The following RIPK2 variants were observed in gnomAD, a reference collection of about 807,000 sequenced individuals.
RIPK2 encodes receptor interacting serine/threonine kinase 2.
In RIPK2, 38 loss-of-function variants were observed where a neutral mutation model predicts 60.9. The ratio of observed to expected loss-of-function variants is 0.62; its 90% CI spans 0.48 to 0.82. The LOEUF is 0.82. Among genes scored for constraint, RIPK2 ranks in the 40% least tolerant of loss-of-function variants. RIPK2 has a pLI of 0.00. For missense variants in RIPK2, 518 were observed against 647.0 expected, an observed-to-expected ratio of 0.80 and a Z score of 2.16; for synonymous variants, 225 against 223.4, an observed-to-expected ratio of 1.01 and a Z score of -0.06.
intron 1 of RIPK2, among the ~76,000 whole-genome samples, chr8:89,762,609 G>A (rs1239061313): frequency 6.6e-6 from 1 of 151,988 alleles, no homozygotes; most frequent in African/African-American, 2.4e-5. Context: ...ACCTGTCAAT[G>A]GCTTATAGAA....
At chr8:89,785,969 C>A (rs888256445) in intron 8 of RIPK2, among the ~76,000 whole-genome samples, 10 of 152,124 alleles carry the variant, frequency 6.6e-5, no homozygotes, top group Non-Finnish European at 1.3e-4. Context: ...CTGTAGGAGA[C>A]CAGACTTGCA....
At chr8:89,780,515 TA>T (rs34552518) in intron 7 of RIPK2, 86,151 of 143,020 alleles carry the variant, frequency 0.6, 25,262 homozygotes, top group Middle Eastern at 0.68. Context: ...ATTTAAAACG[TA>T]AAAAAAAAAA....
At chr8:89,764,234 A>G (rs1470118256) in intron 2 of RIPK2, among the ~76,000 whole-genome samples, 1 of 152,164 alleles carries the variant, frequency 6.6e-6, no homozygotes, top group African/African-American at 2.4e-5. Context: ...TGCCAGAGAA[A>G]GTAATGTTCC....
chr8:89,765,551 CT>C, intron 3 of RIPK2, 55 bp downstream of exon 3: 1 of 1,240,434 alleles, frequency 8.1e-7, no homozygotes, highest in Non-Finnish European at 1.1e-6. Context: ...TTTAAAAATA[CT>C]TTTTAGTTAT....
chr8:89,764,081 T>G (rs1474922006), intron 2 of RIPK2, among the ~76,000 whole-genome samples: 2 of 152,110 alleles, frequency 1.3e-5, no homozygotes, highest in Non-Finnish European at 2.9e-5. Flanking sequence ...CTTCTCTCCC[T>G]TGTCTCCATG....
chr8:89,773,663 A>G (rs1361145854), intron 6 of RIPK2, among the ~76,000 whole-genome samples: 1 of 152,182 alleles, frequency 6.6e-6, no homozygotes, highest in Non-Finnish European at 1.5e-5. Flanking sequence ...AGTGGAAGCA[A>G]AGAGGCTAGA....
chr8:89,777,640 A>G (rs1809420924), intron 6 of RIPK2, among the ~76,000 whole-genome samples: 1 of 152,060 alleles, frequency 6.6e-6, no homozygotes, highest in Admixed American at 6.6e-5. Context: ...TGTCTGCCTT[A>G]GACATGTTTC....
At chr8:89,760,272 C>T (rs402886) in intron 1 of RIPK2, among the ~76,000 whole-genome samples, 99,963 of 152,002 alleles carry the variant, frequency 0.66, 34,662 homozygotes, top group African/African-American at 0.89. Context: ...ATTTTAATGA[C>T]TGGTGAATCA....
chr8:89,781,826 T>C (rs1809506128), intron 7 of RIPK2, among the ~76,000 whole-genome samples: 1 of 152,186 alleles, frequency 6.6e-6, no homozygotes, highest in Non-Finnish European at 1.5e-5. Flanking sequence ...ATTTATAAGA[T>C]AGGCACAGTA....
rs117074175 is a variant in RIPK2 at position 89,782,169 on chromosome 8, C to T, written c.940-1881C>T. ...AAAAAAAGTTACTTGAGTACAAGCA[C>T]TGTGATCCTGACAGTTGTTCTGGTA... On this transcript the variant is annotated intron_variant, in intron 7 of 10. Coordinates refer to ENST00000220751, the MANE Select transcript of RIPK2 (RefSeq NM_003821.6). Among the ~76,000 whole-genome samples the T allele has an allele frequency of 7.4e-4, 112 of 152,120 alleles. 3 individuals are homozygous for T. The East Asian group carries it at 0.019, about 26-fold the overall frequency.
chr8:89,771,002 C>G (rs1031156625), intron 4 of RIPK2, among the ~76,000 whole-genome samples: 8 of 151,800 alleles, frequency 5.3e-5, no homozygotes, highest in Non-Finnish European at 8.9e-5. Flanking sequence ...CCCAACAATT[C>G]TTAAAGCTGG....
intron 3 of RIPK2, among the ~76,000 whole-genome samples, chr8:89,766,848 A>G (rs1318745731): frequency 6.6e-6 from 1 of 151,088 alleles, no homozygotes; most frequent in East Asian, 1.9e-4. Context: ...TTCTAAAGGG[A>G]TTCTTTGGTT....
rs1809655991 is a variant in RIPK2 at position 89,790,354 on chromosome 8, C to T, written c.1561C>T (p.Pro521Ser). 6.2e-7 allele frequency: 1 copy of T among 1,612,772 alleles called. No homozygotes were observed. Among genetic ancestry groups the T allele is most frequent in the African/African-American group, 1.3e-5 (1 of 74,826 alleles). Residue 521 changes from proline to serine, a missense_variant, in exon 11 of 11, where the codon CCG (proline) becomes TCG (serine). This residue lies in a region of RIPK2 where 41 missense variants were observed against 43.7 expected (regional missense o/e 0.94). Coordinates refer to ENST00000220751, the MANE Select transcript of RIPK2 (RefSeq NM_003821.6). ...CAAACAAATGGGTCTTCAGCCTTAC[C>T]CGGAAATACTTGTGGTTTCTAGATC... ...DNKQMGLQPY[P>S]EILVVSRSPS...
intron 9 of RIPK2, 74 bp from the exon 10 acceptor site, chr8:89,789,247 C>T: frequency 7.7e-7 from 1 of 1,298,520 alleles, no homozygotes; most frequent in South Asian, 1.3e-5. Context: ...TCTGTCTGCT[C>T]AGATGTTGAC....
intron 6 of RIPK2, among the ~76,000 whole-genome samples, chr8:89,777,523 G>C (rs1235121947): frequency 1.3e-5 from 2 of 152,050 alleles, no homozygotes; most frequent in African/African-American, 4.8e-5. Flanking sequence ...TTTTTAAACT[G>C]TCTTAACTGA....
At chr8:89,786,733 C>A in intron 9 of RIPK2, 47 bp downstream of exon 9, 1 of 1,108,472 alleles carries the variant, frequency 9.0e-7, no homozygotes, top group Non-Finnish European at 1.3e-6. Context: ...TTTCCATTTT[C>A]TTTCAAGATC....
In RIPK2 at chr8:89,772,720, G is replaced by T. The variant is rs771263919; in HGVS notation, c.745G>T (p.Val249Phe). 1 of 1,611,796 alleles carries T rather than the reference G, an allele frequency of 6.2e-7. No individual in the cohort carries two copies. Among genetic ancestry groups the T allele is most frequent in the African/African-American group, 1.3e-5 (1 of 74,774 alleles). ...MYSVSQGHRP[V>F]INEESLPYDI... Reference sequence around the variant, plus strand: ...TAGTGTGTCACAAGGACATCGACCTGTTATTAATGAAGAAAGTTTGCCATA... The same window carrying T: ...TAGTGTGTCACAAGGACATCGACCTTTTATTAATGAAGAAAGTTTGCCATA... Residue 249 changes from valine to phenylalanine, a missense_variant, in exon 6 of 11, where the codon GTT (valine) becomes TTT (phenylalanine). Val to Phe is a conservative substitution (Grantham distance 50). Transcript: ENST00000220751.
intron 1 of RIPK2, 44 bp from the exon 2 acceptor site, chr8:89,762,785 A>G (rs1809167571): frequency 3.6e-6 from 4 of 1,123,986 alleles, no homozygotes; most frequent in East Asian, 2.7e-5. Context: ...TGATAATTGT[A>G]TATTTTTTTA....
At chr8:89,779,563 G>A (rs187724881) in intron 6 of RIPK2, among the ~76,000 whole-genome samples, 3 of 151,892 alleles carry the variant, frequency 2.0e-5, no homozygotes, top group Non-Finnish European at 4.4e-5. Flanking sequence ...CTGGTGATCT[G>A]TCCGCCTCGG....
Sources: gnomAD v4.1 joint callset for allele counts (sites outside exome capture counted in the v4.1 genomes callset) on GRCh38, gnomAD v4.1.1 for gene constraint, gnomAD v4.1.1 regional missense constraint, MANE v1.5 for transcripts, NCBI Gene and HGNC (gene_info 2026-07-23, HGNC 2026-07-21) for gene names.